Variants in PLCB4 observed in about 807,000 individuals in gnomAD.
The protein encoded by PLCB4 is 1-phosphatidylinositol 4,5-bisphosphate phosphodiesterase beta-4.
Under a neutral mutation model 178.8 loss-of-function variants are expected in PLCB4, and 77 were observed. That is an observed-to-expected ratio of 0.43 (90% confidence interval 0.36 to 0.52). The LOEUF (loss-of-function observed/expected upper bound fraction) is 0.52. PLCB4 is among the 20% of genes least tolerant of loss of function. The pLI is 0.00. For synonymous variants in PLCB4, 496 were observed against 490.8 expected (o/e 1.01, Z -0.14); for missense variants, 1,024 against 1,453.4 (o/e 0.70, Z 4.80).
chr20:9,256,950 T>G (rs1457581371), intron 3 of PLCB4, among the ~76,000 whole-genome samples: 1 of 152,184 alleles, frequency 6.6e-6, no homozygotes, highest in Non-Finnish European at 1.5e-5. Context: ...AACTTGCACA[T>G]TGAGGTTTGT....
In PLCB4 at chr20:9,385,982, C is replaced by T. The variant is rs564863562; in HGVS notation, c.1065-1481C>T. Among the ~76,000 whole-genome samples the T allele has an allele frequency of 1.4e-4, 22 of 152,280 alleles. No homozygotes were observed. In the East Asian group the frequency reaches 4.1e-3, roughly 28 times the overall value. On this transcript the variant is annotated intron_variant, in intron 14 of 39. Transcript: ENST00000378473. ...TGGGCAACACTGAGCATTGAGTGAG[C>T]GAGACTCCGTCTGCAATCCCAGCAC...
At chr20:9,329,671 G>A (rs2031337075) in intron 4 of PLCB4, among the ~76,000 whole-genome samples, 1 of 152,184 alleles carries the variant, frequency 6.6e-6, no homozygotes, top group African/African-American at 2.4e-5. Flanking sequence ...AAGGAATGCA[G>A]GAGCTACACA....
At chr20:9,218,928 C>T (rs944580907) in intron 3 of PLCB4, among the ~76,000 whole-genome samples, 8 of 152,150 alleles carry the variant, frequency 5.3e-5, no homozygotes, top group African/African-American at 1.9e-4. Context: ...CTTTTCACTC[C>T]TTCATCACAT....
chr20:9,155,077 T>C (rs949334993), intron 2 of PLCB4, among the ~76,000 whole-genome samples: 5 of 151,656 alleles, frequency 3.3e-5, no homozygotes, highest in African/African-American at 1.2e-4. Context: ...ACTTAATAGG[T>C]AGTTTTTTGC....
chr20:9,130,986 A>G (rs6108263), intron 2 of PLCB4, among the ~76,000 whole-genome samples: 29,972 of 152,134 alleles, frequency 0.2, 3,933 homozygotes, highest in East Asian at 0.55. Flanking sequence ...TTGCATGTCC[A>G]TGGGCCTCAT....
chr20:9,225,438 C>CCTGGAAAAGATGTAACAGTCGAGT (rs2093851638), intron 3 of PLCB4, among the ~76,000 whole-genome samples: 4 of 152,122 alleles, frequency 2.6e-5, no homozygotes, highest in Non-Finnish European at 5.9e-5. Flanking sequence ...GTTTAAGGGA[C>CCTGGAAAAGATGTAACAGTCGAGT]CTGGAAAAGA....
chr20:9,391,286 A>G (rs2038119347), intron 17 of PLCB4, among the ~76,000 whole-genome samples: 1 of 152,194 alleles, frequency 6.6e-6, no homozygotes, highest in African/African-American at 2.4e-5. Flanking sequence ...TTTTTTGTAT[A>G]TACTCATTCT....
At chr20:9,194,184 C>G (rs2093439841) in intron 2 of PLCB4, among the ~76,000 whole-genome samples, 1 of 152,124 alleles carries the variant, frequency 6.6e-6, no homozygotes, top group Non-Finnish European at 1.5e-5. Context: ...ATTCCCACTT[C>G]TTTGTTGGGA....
intron 3 of PLCB4, among the ~76,000 whole-genome samples, chr20:9,246,231 G>A (rs2094124263): frequency 6.6e-6 from 1 of 151,922 alleles, no homozygotes; most frequent in Non-Finnish European, 1.5e-5. Context: ...CCATTTTTCT[G>A]ATGAAGCCCT....
intron 2 of PLCB4, among the ~76,000 whole-genome samples, chr20:9,097,470 G>A (rs1272914363): frequency 6.6e-6 from 1 of 151,934 alleles, no homozygotes; most frequent in Non-Finnish European, 1.5e-5. Flanking sequence ...TAAGGTCACA[G>A]TGGTCAAATC....
At chr20:9,384,698 G>A (rs34151008) in intron 14 of PLCB4, among the ~76,000 whole-genome samples, 12,525 of 151,298 alleles carry the variant, frequency 0.083, 689 homozygotes, top group African/African-American at 0.15. Context: ...GTAAGAAGGC[G>A]TGTTGAGTTT....
At chr20:9,369,127 A>G (rs1161372598) in intron 9 of PLCB4, among the ~76,000 whole-genome samples, 2 of 152,146 alleles carry the variant, frequency 1.3e-5, no homozygotes, top group African/African-American at 4.8e-5. Flanking sequence ...ATTTCTGTGT[A>G]GGAAACAGAA....
intron 3 of PLCB4, among the ~76,000 whole-genome samples, chr20:9,271,626 AT>A (rs1442688402): frequency 6.6e-6 from 1 of 152,168 alleles, no homozygotes; most frequent in African/African-American, 2.4e-5. Flanking sequence ...CTGTAAAAAA[AT>A]GTTTCCGAAC....
chr20:9,175,645 TATG>T (rs1052345375), intron 2 of PLCB4, among the ~76,000 whole-genome samples: 1 of 152,144 alleles, frequency 6.6e-6, no homozygotes, highest in African/African-American at 2.4e-5. Flanking sequence ...CAATAAGTGA[TATG>T]ATATCAACTC....
intron 36 of PLCB4, 113 bp from the exon 37 acceptor site, chr20:9,472,677 T>C: frequency 1.8e-6 from 1 of 556,290 alleles, no homozygotes; most frequent in East Asian, 3.2e-5. Context: ...ATTAGAAAAA[T>C]AAAGCAATAA....
At chr20:9,405,136 G>A (rs1362558585) in intron 20 of PLCB4, among the ~76,000 whole-genome samples, 177 bp from the exon 21 acceptor site, 1 of 151,602 alleles carries the variant, frequency 6.6e-6, no homozygotes, top group Non-Finnish European at 1.5e-5. Flanking sequence ...AGCCCTTCTG[G>A]TGCATAAAAC....
chr20:9,295,001 A>C (rs919408171), intron 3 of PLCB4, among the ~76,000 whole-genome samples: 6 of 152,086 alleles, frequency 3.9e-5, no homozygotes, highest in Non-Finnish European at 7.4e-5. Context: ...AGGTCAACCT[A>C]AGCCTCCATT....
At chr20:9,392,861 G>A (rs1458610006) in intron 17 of PLCB4, among the ~76,000 whole-genome samples, 2 of 117,120 alleles carry the variant, frequency 1.7e-5, no homozygotes, top group Non-Finnish European at 3.2e-5. Flanking sequence ...ATAATAAGTA[G>A]TATAAAAGCA....
chr20:9,216,508 C>T (rs373382232), intron 2 of PLCB4, among the ~76,000 whole-genome samples: 19 of 151,506 alleles, frequency 1.3e-4, no homozygotes, highest in African/African-American at 3.9e-4. Context: ...TGAGCCACTG[C>T]GCCCGGCCTG....
Sources: allele counts gnomAD v4.1 joint callset (sites outside exome capture counted in the v4.1 genomes callset), GRCh38; gene constraint gnomAD v4.1.1; transcripts MANE v1.5; gene names NCBI Gene and HGNC (gene_info 2026-07-23, HGNC 2026-07-21).